PACS2: variants seen among roughly 807,000 people sequenced by gnomAD.
The protein encoded by PACS2 is PACS1-like protein.
A neutral mutation model predicts 113.0 loss-of-function variants in PACS2; 36 were observed. The ratio of observed to expected loss-of-function variants is 0.32; its 90% CI spans 0.24 to 0.42. PACS2 has a LOEUF of 0.42. Ranked by LOEUF, PACS2 falls within the 10% of genes least tolerant of loss-of-function variation. The pLI is 1.00. For missense variants in PACS2, 1,015 were observed against 1,239.5 expected (o/e 0.82, Z 2.72); for synonymous variants, 589 against 536.1 (o/e 1.10, Z -1.36).
chr14:105,394,653 A>G lies in PACS2; in HGVS notation c.2696A>G (p.His899Arg), dbSNP rs782581214. 3.6e-5 allele frequency: 58 copies of G among 1,611,926 alleles called. No individual in the cohort carries two copies. In the South Asian group the frequency reaches 3.7e-4, roughly 10 times the overall value. The stretch of plus-strand genomic sequence containing the variant: ...CACTTCCCCATCTGCATCTTCGGAC[A>G]CTCCAAGGCCACCTTCTAGCCCCAC... Reference protein sequence around the residue: ...VKHFPICIFGHSKATF With the variant: ...VKHFPICIFGRSKATF The change falls in exon 25 of 25, where the codon CAC becomes CGC. Residue 899 changes from histidine to arginine, a missense_variant. Physicochemically the swap from His to Arg is conservative, Grantham distance 29. Around this residue, in one of 3 missense-constraint regions of PACS2, gnomAD observed 859 missense variants for 1,056.8 expected, o/e 0.81. Coordinates refer to ENST00000447393, the MANE Select transcript of PACS2 (RefSeq NM_001100913.3).
chr14:105,370,087 C>T (rs1595724549), intron 8 of PACS2, 187 bp downstream of exon 8: 1 of 571,046 alleles, frequency 1.8e-6, no homozygotes, highest in East Asian at 3.0e-5. Context: ...TCCAGGTCAC[C>T]CGCTGGGTCT....
chr14:105,304,445 G>A (rs587708558), intron 1 of PACS2, among the ~76,000 whole-genome samples: 12 of 152,198 alleles, frequency 7.9e-5, no homozygotes, highest in East Asian at 3.9e-4. Context: ...GCGAGATGGC[G>A]TCATTGCACT....
intron 1 of PACS2, among the ~76,000 whole-genome samples, chr14:105,319,787 G>A (rs2058819813): frequency 2.0e-5 from 3 of 152,128 alleles, no homozygotes; most frequent in Admixed American, 1.3e-4. Context: ...CTTTAAGGAC[G>A]ATGTTTGCTG....
chr14:105,334,173 C>T (rs934493878), intron 1 of PACS2, among the ~76,000 whole-genome samples: 4 of 152,214 alleles, frequency 2.6e-5, no homozygotes, highest in African/African-American at 4.8e-5. Context: ...CATCCTCCTG[C>T]GTTGGGCTCA....
rs1484082734 is a variant in PACS2, at chr14:105,395,851, C to T, written c.*1179C>T. Reference sequence around the variant, plus strand: ...CACCTGCCCCCTCAGTCCTGCTTCTCCCCAGTAAGCCTGCACTGTGGGGTC... The same window carrying T: ...CACCTGCCCCCTCAGTCCTGCTTCTTCCCAGTAAGCCTGCACTGTGGGGTC... On this transcript the variant is annotated 3_prime_UTR_variant, in exon 25 of 25. Coordinates refer to ENST00000447393, the MANE Select transcript of PACS2 (RefSeq NM_001100913.3). 1 of 152,404 alleles carries T rather than the reference C, an allele frequency of 6.6e-6. No individual in the cohort carries two copies. The highest frequency in any genetic ancestry group is 2.1e-4 in the South Asian group (1 of 4,834). The allele number at this position is 152,404 out of a possible 1,614,324, so 9.4% of individuals were successfully genotyped here. A position where few individuals can be genotyped will look rare whatever the true frequency, so the allele number is the denominator to read the frequency against.
intron 5 of PACS2, 149 bp downstream of exon 5, chr14:105,367,524 C>A: frequency 2.6e-6 from 2 of 772,494 alleles, no homozygotes; most frequent in Non-Finnish European, 4.3e-6. Flanking sequence ...CTGGAAGCCA[C>A]AGCAGAGGTG....
intron 1 of PACS2, among the ~76,000 whole-genome samples, chr14:105,326,632 C>T (rs2059119032): frequency 6.6e-6 from 1 of 152,228 alleles, no homozygotes; most frequent in Non-Finnish European, 1.5e-5. Flanking sequence ...AGTGTCAGGT[C>T]ATGAGGCCCC....
chr14:105,371,435 A>G (rs890296832), intron 8 of PACS2: 7 of 152,272 alleles, frequency 4.6e-5, no homozygotes, highest in Admixed American at 3.9e-4. Flanking sequence ...CCAAACTGTG[A>G]AAAGATGGGC....
chr14:105,389,803 G>A, intron 19 of PACS2, 158 bp from the exon 20 acceptor site: 1 of 697,374 alleles, frequency 1.4e-6, no homozygotes, highest in South Asian at 1.6e-5. Context: ...TTGGAGATGG[G>A]TGGGGCCGGG....
Position 105,305,911 on chromosome 14 carries a change from G to A in PACS2, c.-83+4932G>A, listed in dbSNP as rs181500835. Among the ~76,000 whole-genome samples the A allele has an allele frequency of 8.0e-4, 122 of 152,360 alleles. 2 individuals are homozygous for A. The highest frequency in any genetic ancestry group is 1.3e-3 in the Non-Finnish European group (91 of 68,044). Reference sequence around the variant, plus strand: ...AAGGCAGGACCCTCACTCGCACCGCGCCAAAGAGGACGCTGGAAACGTGCA... The same window carrying A: ...AAGGCAGGACCCTCACTCGCACCGCACCAAAGAGGACGCTGGAAACGTGCA... On this transcript the variant is annotated intron_variant, in intron 1 of 23. Coordinates refer to the PACS2 transcript ENST00000430725.
At chr14:105,347,132 T>C (rs1378666344) in intron 1 of PACS2, among the ~76,000 whole-genome samples, 1 of 148,462 alleles carries the variant, frequency 6.7e-6, no homozygotes, top group Non-Finnish European at 1.5e-5. Context: ...GCCCCTTGGC[T>C]TCTCTCAGCA....
At chr14:105,304,719 G>A (rs55757119) in intron 1 of PACS2, among the ~76,000 whole-genome samples, 2 of 152,168 alleles carry the variant, frequency 1.3e-5, no homozygotes, top group East Asian at 3.9e-4. Flanking sequence ...GTAGTTCCAC[G>A]TGGCTGCAGA....
chr14:105,307,034 T>C (rs587617470), intron 1 of PACS2, among the ~76,000 whole-genome samples: 2 of 152,142 alleles, frequency 1.3e-5, no homozygotes, highest in Admixed American at 1.3e-4. Flanking sequence ...CCTTATTTAC[T>C]TTATTTTTTC....
chr14:105,305,339 C>CT (rs771271388), intron 1 of PACS2, among the ~76,000 whole-genome samples: 1 of 152,102 alleles, frequency 6.6e-6, no homozygotes, highest in East Asian at 1.9e-4. Context: ...AAAGTTGAGG[C>CT]TGCAGTGAGC....
chr14:105,369,889 G>T lies in PACS2; in HGVS notation c.790G>T (p.Val264Leu). The change falls in exon 8 of 25, where the codon GTG becomes TTG. Residue 264 changes from valine (V) to leucine (L), a missense_variant. Physicochemically the swap from Val to Leu is conservative, Grantham distance 32. This residue lies in a region of PACS2 where 859 missense variants were observed against 1,056.8 expected (regional missense o/e 0.81). Coordinates refer to ENST00000447393, the MANE Select transcript of PACS2 (RefSeq NM_001100913.3). Reference protein sequence around the residue: ...KVVALLRRFKVSDEVLDSEQD... With the variant: ...KVVALLRRFKLSDEVLDSEQD... ...GGTAGCGCTGCTGCGGAGGTTCAAA[G>T]TGTCCGACGAGGTGAGTGCGCCGCG... The T allele has an allele frequency of 1.2e-6, 2 of 1,603,606 alleles. No individual in the cohort carries two copies. The highest frequency in any genetic ancestry group is 1.7e-6 in the Non-Finnish European group (2 of 1,178,228).
chr14:105,332,214 G>A (rs587654674), intron 1 of PACS2, among the ~76,000 whole-genome samples: 13 of 152,230 alleles, frequency 8.5e-5, no homozygotes, highest in African/African-American at 2.9e-4. Flanking sequence ...GTGCCTTGCC[G>A]TGGGGCTGCC....
At position 105,379,745 on chromosome 14, in the gene PACS2, C is replaced by T; in HGVS notation, c.966C>T (p.Tyr322=). ...CCCCTGTTCCCTGAGCCAGGCCATA[C>T]TTTGAAGGCCTGTCGCACTCGAGCT... ...LSTPKPKLRP[Y]FEGLSHSSSQ... is the part of the protein sequence containing the mutation. Residue 322 remains tyrosine (Y), a synonymous_variant, in exon 10 of 25, where the codon TAC becomes TAT. Coordinates refer to ENST00000447393, the MANE Select transcript of PACS2 (RefSeq NM_001100913.3). The T allele has an allele frequency of 6.2e-7, 1 of 1,613,480 alleles. No homozygotes were observed. Among genetic ancestry groups the T allele is most frequent in the Non-Finnish European group, 8.5e-7 (1 of 1,179,640 alleles).
chr14:105,393,879 C>T (rs2081450277), intron 24 of PACS2, among the ~76,000 whole-genome samples: 1 of 152,044 alleles, frequency 6.6e-6, no homozygotes, highest in Admixed American at 6.5e-5. Context: ...GCGCGAGCCA[C>T]CGCACCTGGC....
chr14:105,355,117 C>T lies in PACS2; in HGVS notation c.363C>T (p.Tyr121=), dbSNP rs2060385054. ...LQIMLQRRKR[Y]KNRTILGYKT... ...TCATGCTGCAGCGCAGAAAGCGCTA[C>T]AAGAACAGAACCATCCTGGGCTACA... is the stretch of plus-strand genomic sequence containing the variant. Residue 121 remains tyrosine (Y), a synonymous_variant, in exon 4 of 25, where the codon TAC becomes TAT. Coordinates refer to ENST00000447393, the MANE Select transcript of PACS2 (RefSeq NM_001100913.3). This position sits in a 1 kb window ranked among gnomAD's most constrained non-coding sequence, Gnocchi z 4.1. 4 of 1,613,562 alleles carry T rather than the reference C, an allele frequency of 2.5e-6. No homozygotes were observed. The highest frequency in any genetic ancestry group is 1.7e-5 in the Admixed American group (1 of 59,998).
Sources: allele counts gnomAD v4.1 joint callset (sites outside exome capture counted in the v4.1 genomes callset), GRCh38; gene constraint gnomAD v4.1.1; regional missense constraint gnomAD v4.1.1; non-coding constraint Gnocchi (gnomAD v3.1); transcripts MANE v1.5; gene names NCBI Gene and HGNC (gene_info 2026-07-23, HGNC 2026-07-21).